The following TFAP2E variants were observed in gnomAD, a reference collection of about 807,000 sequenced individuals.
The protein encoded by TFAP2E is transcription factor AP-2 epsilon.
A neutral mutation model predicts 37.9 loss-of-function variants in TFAP2E; 30 were observed. That is an observed-to-expected ratio of 0.79 (90% CI 0.59 to 1.07). The LOEUF is 1.07. TFAP2E is among the 50% of genes least tolerant of loss of function. TFAP2E has a pLI of 0.00. For missense variants in TFAP2E, 567 were observed against 637.9 expected (o/e 0.89, Z 1.20); for synonymous variants, 318 against 295.8 (o/e 1.08, Z -0.77).
At chr1:35,581,297 T>G (rs35783707) in intron 3 of TFAP2E, among the ~76,000 whole-genome samples, 1,860 of 152,344 alleles carry the variant, frequency 0.012, 24 homozygotes, top group Non-Finnish European at 0.019. Flanking sequence ...GTTTATCCAT[T>G]GGTCAGTTGA....
chr1:35,576,968 A>T (rs1571097180), intron 3 of TFAP2E, among the ~76,000 whole-genome samples: 2 of 123,486 alleles, frequency 1.6e-5, no homozygotes, highest in African/African-American at 6.8e-5. Context: ...CGCCAGCGGG[A>T]CCCCAGCGCC....
At position 35,590,549 on chromosome 1, in the gene TFAP2E, C is replaced by A; in HGVS notation, c.905-85C>A. 1.4e-6 allele frequency: 2 copies of A among 1,390,408 alleles called. No individual in the cohort carries two copies. The allele number at this position is 1,390,408 out of a possible 1,614,324, so 86.1% of individuals were successfully genotyped here. On this transcript the variant is annotated intron_variant, in intron 5 of 6. Transcript: ENST00000373235. The surrounding 1 kb of genome is among the most constrained non-coding windows in gnomAD (Gnocchi z 6.2). ...TACACAGGCAGGATGGGGCAGGATA[C>A]CCCTGACCAGGGGGTCAGAGGTTCA...
chr1:35,585,733 C>T (rs984418542), intron 3 of TFAP2E, among the ~76,000 whole-genome samples: 2 of 152,004 alleles, frequency 1.3e-5, no homozygotes, highest in Admixed American at 1.3e-4. Context: ...AAATTAACTT[C>T]ACATGTTTCT....
intron 4 of TFAP2E, among the ~76,000 whole-genome samples, chr1:35,589,081 C>A (rs907187649): frequency 5.3e-5 from 8 of 151,768 alleles, no homozygotes; most frequent in African/African-American, 1.9e-4. Flanking sequence ...CATGTGTGTG[C>A]GTGTGCATGT....
rs1463823607 is a variant in TFAP2E, at chr1:35,574,251, G to A, written c.352G>A (p.Ala118Thr). 3.8e-6 allele frequency: 5 copies of A among 1,309,608 alleles called. No homozygotes were observed. Among genetic ancestry groups the A allele is most frequent in the Non-Finnish European group, 4.9e-6 (5 of 1,023,770 alleles). The allele number at this position is 1,309,608 out of a possible 1,614,324, so 81.1% of individuals were successfully genotyped here. Residue 118 changes from alanine (A) to threonine (T), a missense_variant, in exon 2 of 7, where the codon GCA becomes ACA. By Grantham distance (58) the Ala-to-Thr change is moderately conservative. Around this residue, in one of 3 missense-constraint regions of TFAP2E, gnomAD observed 312 missense variants for 317.4 expected, o/e 0.98. Transcript: ENST00000373235. ...CCACGAGGAGCCTCCCGGCCTGCTG[G>A]CACCGCCCGCCCGCGCCCTGGGCCT... ...RAHEEPPGLL[A>T]PPARALGLDP...
chr1:35,589,945 TG>T lies in TFAP2E; in HGVS notation c.806del (p.Gly269AlafsTer8). 6.2e-7 allele frequency: 1 copy of T among 1,613,944 alleles called. No homozygotes were observed. Among genetic ancestry groups the T allele is most frequent in the Non-Finnish European group, 8.5e-7 (1 of 1,179,902 alleles). ...GCATGTCAAGGGCCAAGTCCAAAAATGGGGGCCGGTGTTTGCGGGAACGGTT... is the reference window on the plus strand; with the variant it reads ...GCATGTCAAGGGCCAAGTCCAAAAATGGGGCCGGTGTTTGCGGGAACGGTT... ...GVLRRAKSKN[G>X]GRCLRERLEK... On this transcript the variant is annotated frameshift_variant, in exon 5 of 7. Transcript: ENST00000373235. LOFTEE classifies it high-confidence loss of function.
intron 6 of TFAP2E, among the ~76,000 whole-genome samples, chr1:35,593,234 G>A (rs888152523): frequency 3.9e-5 from 6 of 152,046 alleles, no homozygotes; most frequent in Admixed American, 1.3e-4. Context: ...CCAGCTACTC[G>A]GGAGGCTGAG....
At position 35,577,924 on chromosome 1, in the gene TFAP2E, C is replaced by G. The variant is rs540735203; in HGVS notation, c.562+2924C>G. On this transcript the variant is annotated intron_variant, in intron 3 of 6. Transcript: ENST00000373235. This position sits in a 1 kb window ranked among gnomAD's most constrained non-coding sequence, Gnocchi z 6.3. ...TCCATTTCCTGCCCACATTTGTCAC[C>G]TCCAGTTTTGCAACCTATCCCAGAC... 3.1e-4 allele frequency among the ~76,000 whole-genome samples: 47 copies of G among 152,320 alleles called. No individual in the cohort carries two copies. Among genetic ancestry groups the G allele is most frequent in the African/African-American group, 1.1e-3 (44 of 41,570 alleles).
intron 3 of TFAP2E, among the ~76,000 whole-genome samples, chr1:35,576,191 G>T (rs975610962): frequency 1.3e-5 from 2 of 152,226 alleles, no homozygotes; most frequent in African/African-American, 4.8e-5. Context: ...TGGTAGCAGG[G>T]CTGGGGCTGG....
chr1:35,585,128 G>C (rs1043702841), intron 3 of TFAP2E, among the ~76,000 whole-genome samples: 5 of 152,092 alleles, frequency 3.3e-5, no homozygotes, highest in African/African-American at 1.2e-4. Flanking sequence ...CAGTAGAGTG[G>C]AGCAGGACCC....
chr1:35,580,265 G>A (rs541170612), intron 3 of TFAP2E, among the ~76,000 whole-genome samples: 352 of 152,160 alleles, frequency 2.3e-3, no homozygotes, highest in African/African-American at 8.0e-3. Context: ...AAACTTAATC[G>A]GCAGGTCCCA....
chr1:35,593,653 G>T (rs535238395), intron 6 of TFAP2E, among the ~76,000 whole-genome samples: 1 of 152,202 alleles, frequency 6.6e-6, no homozygotes, highest in East Asian at 1.9e-4. Context: ...GGCTCACCTC[G>T]TTCACTTATC....
intron 3 of TFAP2E, among the ~76,000 whole-genome samples, chr1:35,576,097 TGAGTTGTTTTTCAAAC>T (rs1462692966): frequency 3.3e-5 from 5 of 152,204 alleles, no homozygotes; most frequent in Non-Finnish European, 7.3e-5. Flanking sequence ...GGGTTTGGCT[TGAGTTGTTTTTCAAAC>T]GAGTGAATTC....
chr1:35,573,437 A>G lies in TFAP2E; in HGVS notation c.-141A>G. The G allele has an allele frequency of 8.6e-7, 1 of 1,165,428 alleles. No individual in the cohort carries two copies. The highest frequency in any genetic ancestry group is 1.1e-6 in the Non-Finnish European group (1 of 885,484). 72.2% of individuals were successfully genotyped at this position (1,165,428 alleles called of 1,614,324 possible). On this transcript the variant is annotated 5_prime_UTR_variant, in exon 1 of 7. Coordinates refer to ENST00000373235, the MANE Select transcript of TFAP2E (RefSeq NM_178548.4). This position sits in a 1 kb window ranked among gnomAD's most constrained non-coding sequence, Gnocchi z 5.9. ...CACCGCTGAGGACCCCACGCCCACTAGGATCCCGGCTGGGTCGCACCCAGC... is the reference window on the plus strand; with the variant it reads ...CACCGCTGAGGACCCCACGCCCACTGGGATCCCGGCTGGGTCGCACCCAGC...
chr1:35,573,989 G>A lies in TFAP2E; in HGVS notation c.90G>A (p.Ala30=), dbSNP rs1262599988. The A allele has an allele frequency of 6.7e-7, 1 of 1,481,784 alleles. No individual in the cohort carries two copies. The highest frequency in any genetic ancestry group is 8.9e-7 in the Non-Finnish European group (1 of 1,126,556). 91.8% of individuals were successfully genotyped at this position (1,481,784 alleles called of 1,614,324 possible). A position where few individuals can be genotyped will look rare whatever the true frequency, so the allele number is the denominator to read the frequency against. ...CCCGCCTGTCGTCTCTGCCCCAGGC[G>A]GCCTACGGGCCGGCGCCCCCGCTCT... ...GGARLSSLPQ[A]AYGPAPPLCH... is the part of the protein sequence containing the mutation. Residue 30 remains alanine (A), a synonymous_variant, in exon 2 of 7, where the codon GCG becomes GCA. Transcript: ENST00000373235. This position sits in a 1 kb window ranked among gnomAD's most constrained non-coding sequence, Gnocchi z 5.9.
chr1:35,590,492 C>T lies in TFAP2E; in HGVS notation c.905-142C>T. Reference sequence around the variant, plus strand: ...TGGGGCAATGGAATGGGGGCTGGAGCTGGGCTGGGAAGGAACATCAGAGGG... The same window carrying T: ...TGGGGCAATGGAATGGGGGCTGGAGTTGGGCTGGGAAGGAACATCAGAGGG... On this transcript the variant is annotated intron_variant, in intron 5 of 6. Transcript: ENST00000373235. The surrounding 1 kb of genome is among the most constrained non-coding windows in gnomAD (Gnocchi z 6.2). The T allele has an allele frequency of 9.4e-7, 1 of 1,064,150 alleles. No individual in the cohort carries two copies. Among genetic ancestry groups the T allele is most frequent in the Admixed American group, 3.2e-5 (1 of 30,810 alleles). The allele number at this position is 1,064,150 out of a possible 1,614,324, so 65.9% of individuals were successfully genotyped here.
chr1:35,590,925 C>T lies in TFAP2E; in HGVS notation c.1046+150C>T. 1.1e-6 allele frequency: 1 copy of T among 909,522 alleles called. No individual in the cohort carries two copies. Among genetic ancestry groups the T allele is most frequent in the Non-Finnish European group, 1.5e-6 (1 of 679,654 alleles). 56.3% of individuals were successfully genotyped at this position (909,522 alleles called of 1,614,324 possible). On this transcript the variant is annotated intron_variant, in intron 6 of 6. Transcript: ENST00000373235. The surrounding 1 kb of genome is among the most constrained non-coding windows in gnomAD (Gnocchi z 6.2). ...TGTACACGAGCAGTGGGCACACACA[C>T]ATACGTGCGCACCACTGTGTACATC...
At chr1:35,574,630 CCTCGG>C (rs1649116052) in intron 2 of TFAP2E, 2 of 793,976 alleles carry the variant, frequency 2.5e-6, no homozygotes, top group Middle Eastern at 3.9e-4. Context: ...TGGCAGCAAC[CCTCGG>C]CAGGGACCGA....
intron 3 of TFAP2E, among the ~76,000 whole-genome samples, chr1:35,582,116 G>A (rs1317396089): frequency 6.6e-6 from 1 of 151,992 alleles, no homozygotes; most frequent in East Asian, 1.9e-4. Flanking sequence ...CTGATCTCAT[G>A]ATCCATCCAC....
Sources: gnomAD v4.1 joint callset for allele counts (sites outside exome capture counted in the v4.1 genomes callset) on GRCh38, gnomAD v4.1.1 for gene constraint, gnomAD v4.1.1 regional missense constraint, Gnocchi (gnomAD v3.1) non-coding constraint, MANE v1.5 for transcripts, NCBI Gene and HGNC (gene_info 2026-07-23, HGNC 2026-07-21) for gene names.